Variants in VPS13B observed in about 807,000 individuals in gnomAD.
The protein encoded by VPS13B is vacuolar protein sorting 13 homolog B.
Under a neutral mutation model 426.4 loss-of-function variants are expected in VPS13B, and 285 were observed. The observed-to-expected ratio is 0.67, with a 90% CI of 0.61 to 0.74. The LOEUF (loss-of-function observed/expected upper bound fraction) is 0.74, where lower values mean the gene tolerates loss of function less well. Ranked by LOEUF, VPS13B falls within the 30% of genes least tolerant of loss-of-function variation. The probability of loss-of-function intolerance (pLI) is 0.00; values close to 1 mark genes in which losing one functional copy is unlikely to be tolerated. For synonymous variants in VPS13B, 1,676 were observed against 1,676.4 expected, an observed-to-expected ratio of 1.00 and a Z score of 0.01; for missense variants, 4,537 against 4,782.6, an observed-to-expected ratio of 0.95 and a Z score of 1.51.
chr8:99,182,907 T>G (rs1813020692), intron 16 of VPS13B, among the ~76,000 whole-genome samples: 1 of 152,116 alleles, frequency 6.6e-6, no homozygotes, highest in Non-Finnish European at 1.5e-5. Context: ...TGGCTAATTT[T>G]TGTATTTTTA....
intron 16 of VPS13B, among the ~76,000 whole-genome samples, chr8:99,176,719 T>C (rs1049827945): frequency 1.3e-5 from 2 of 152,230 alleles, no homozygotes; most frequent in Non-Finnish European, 2.9e-5. Context: ...CCTTTTTATT[T>C]TGTATTGAAA....
At chr8:99,248,228 T>C (rs951363835) in intron 17 of VPS13B, among the ~76,000 whole-genome samples, 2 of 152,174 alleles carry the variant, frequency 1.3e-5, no homozygotes, top group Non-Finnish European at 1.5e-5. Flanking sequence ...ATGAAATTTG[T>C]GTGTGGCTGG....
intron 5 of VPS13B, among the ~76,000 whole-genome samples, chr8:99,106,154 G>A (rs576471107): frequency 4.4e-4 from 67 of 151,906 alleles, no homozygotes; most frequent in African/African-American, 1.4e-3. Flanking sequence ...ATAGCTGGCC[G>A]GGTGTGGTGG....
rs570126040 is a variant in VPS13B, at chr8:99,436,506, G to A, written c.3210+4842G>A. 2.0e-5 allele frequency among the ~76,000 whole-genome samples: 3 copies of A among 152,044 alleles called. No individual in the cohort carries two copies. The East Asian group carries it at 5.8e-4, about 29-fold the overall frequency. On this transcript the variant is annotated intron_variant, in intron 22 of 61. Transcript: ENST00000357162. ...GTTCCTCAATTTGAGTAAGCTTATTGAGTATCAGTTAACATAATCATTGCA... is the reference window on the plus strand; with the variant it reads ...GTTCCTCAATTTGAGTAAGCTTATTAAGTATCAGTTAACATAATCATTGCA...
rs143827270 is a variant in VPS13B, at chr8:99,375,477, A to C, written c.2825-8731A>C. ...GGAAGTAATGAGCTACCATACGCAC[A>C]TACCATACATGTATGTATTGTACCA... On this transcript the variant is annotated intron_variant, in intron 19 of 61. Transcript: ENST00000357162. 4.9e-3 allele frequency among the ~76,000 whole-genome samples: 751 copies of C among 152,306 alleles called. 5 individuals are homozygous for C. The highest frequency in any genetic ancestry group is 0.017 in the African/African-American group (704 of 41,570).
chr8:99,647,944 G>A (rs1044631271), intron 34 of VPS13B, among the ~76,000 whole-genome samples: 2 of 152,166 alleles, frequency 1.3e-5, no homozygotes, highest in Non-Finnish European at 2.9e-5. Flanking sequence ...GCCCAAAAGT[G>A]AATATTGAAA....
At chr8:99,504,505 C>T (rs1821395845) in intron 27 of VPS13B, among the ~76,000 whole-genome samples, 1 of 152,166 alleles carries the variant, frequency 6.6e-6, no homozygotes, top group African/African-American at 2.4e-5. Context: ...CAACATTCAT[C>T]TCCTTGTATA....
chr8:99,115,747 A>T lies in VPS13B; in HGVS notation c.810A>T (p.Gln270His). ...TGAAACTTTCTATCACAGATCAACA[A>T]CTGCCTATGTTTATTCGTATAATGC... Reference protein sequence around the residue: ...ESLKLSITDQQLPMFIRIMQL... With the variant: ...ESLKLSITDQHLPMFIRIMQL... Residue 270 changes from glutamine to histidine, a missense_variant, in exon 7 of 62, where the codon CAA becomes CAT. By Grantham distance (24) the Gln-to-His change is conservative. Around this residue, in one of 2 missense-constraint regions of VPS13B, gnomAD observed 4,311 missense variants for 4,474.3 expected, o/e 0.96. Transcript: ENST00000357162. The T allele has an allele frequency of 6.2e-7, 1 of 1,613,292 alleles. No individual in the cohort carries two copies. Among genetic ancestry groups the T allele is most frequent in the Non-Finnish European group, 8.5e-7 (1 of 1,179,696 alleles).
chr8:99,071,339 A>T (rs1844840299), intron 3 of VPS13B, among the ~76,000 whole-genome samples: 1 of 152,014 alleles, frequency 6.6e-6, no homozygotes, highest in South Asian at 2.1e-4. Context: ...TAATGCTGTG[A>T]CTCTTATAGA....
At chr8:99,581,601 A>G (rs1041173180) in intron 33 of VPS13B, among the ~76,000 whole-genome samples, 2 of 152,080 alleles carry the variant, frequency 1.3e-5, no homozygotes, top group African/African-American at 4.8e-5. Flanking sequence ...CTTTAAATGA[A>G]CCTTATTTCT....
chr8:99,483,787 A>C (rs1053831812), intron 25 of VPS13B, among the ~76,000 whole-genome samples: 48 of 152,126 alleles, frequency 3.2e-4, no homozygotes, highest in Admixed American at 2.8e-3. Context: ...CATTTAAAAG[A>C]CATTTCAAGT....
chr8:99,090,782 AC>A (rs1369701350), intron 3 of VPS13B, among the ~76,000 whole-genome samples: 1 of 152,288 alleles, frequency 6.6e-6, no homozygotes, highest in East Asian at 1.9e-4. Context: ...CTGTTCAATA[AC>A]CCAGTTCCCC....
At chr8:99,175,505 G>A (rs1387961360) in intron 16 of VPS13B, among the ~76,000 whole-genome samples, 1 of 152,180 alleles carries the variant, frequency 6.6e-6, no homozygotes, top group Non-Finnish European at 1.5e-5. Context: ...AATTTGGCCA[G>A]GAATGGTGGC....
intron 38 of VPS13B, 27 bp downstream of exon 38, chr8:99,720,579 AGT>A (rs753840627): frequency 1.2e-6 from 2 of 1,601,486 alleles, no homozygotes; most frequent in South Asian, 1.1e-5. Context: ...TCAGTATGAG[AGT>A]GTCTCTGTGC....
intron 55 of VPS13B, among the ~76,000 whole-genome samples, chr8:99,850,472 A>G (rs1816229118): frequency 6.6e-6 from 1 of 152,174 alleles, no homozygotes; most frequent in African/African-American, 2.4e-5. Context: ...AAAATTGGTA[A>G]CAGATGTGGG....
At chr8:99,166,482 C>G (rs1812010488) in intron 15 of VPS13B, among the ~76,000 whole-genome samples, 1 of 152,090 alleles carries the variant, frequency 6.6e-6, no homozygotes, top group Non-Finnish European at 1.5e-5. Context: ...GGTTTTTGTT[C>G]TGTTTTCTTA....
chr8:99,278,611 A>T (rs746021379), intron 19 of VPS13B, among the ~76,000 whole-genome samples: 31 of 152,160 alleles, frequency 2.0e-4, no homozygotes, highest in Non-Finnish European at 3.5e-4. Context: ...TAACTATACA[A>T]CATTTTCCCA....
intron 25 of VPS13B, among the ~76,000 whole-genome samples, chr8:99,493,605 C>G (rs1376305722): frequency 6.6e-6 from 1 of 151,714 alleles, no homozygotes; most frequent in Non-Finnish European, 1.5e-5. Context: ...GCCAACATGG[C>G]AAAACCCCTT....
chr8:99,393,044 C>T (rs1379489299), intron 21 of VPS13B, among the ~76,000 whole-genome samples: 1 of 151,746 alleles, frequency 6.6e-6, no homozygotes, highest in East Asian at 1.9e-4. Flanking sequence ...ATAAACATCA[C>T]CTTTTAGTTA....
Sources: gnomAD v4.1 joint callset for allele counts (sites outside exome capture counted in the v4.1 genomes callset) on GRCh38, gnomAD v4.1.1 for gene constraint, gnomAD v4.1.1 regional missense constraint, MANE v1.5 for transcripts, NCBI Gene and HGNC (gene_info 2026-07-23, HGNC 2026-07-21) for gene names.